The following PDE8B variants were observed in gnomAD, a reference collection of about 807,000 sequenced individuals.
PDE8B encodes the protein high affinity cAMP-specific and IBMX-insensitive 3',5'-cyclic phosphodiesterase 8B.
Under a neutral mutation model 101.3 loss-of-function variants are expected in PDE8B, and 26 were observed. That is an observed-to-expected ratio of 0.26 (90% confidence interval 0.19 to 0.36). The LOEUF (loss-of-function observed/expected upper bound fraction) is 0.36. PDE8B is among the 10% of genes least tolerant of loss of function. The probability of loss-of-function intolerance (pLI) is 1.00; values close to 1 mark genes in which losing one functional copy is unlikely to be tolerated. For synonymous variants in PDE8B, 424 were observed against 429.3 expected, an observed-to-expected ratio of 0.99 and a Z score of 0.15; for missense variants, 810 against 1,163.1, an observed-to-expected ratio of 0.70 and a Z score of 4.42.
chr5:77,337,088 C>A (rs777211295), intron 5 of PDE8B, 139 bp from the exon 6 acceptor site: 6 of 652,698 alleles, frequency 9.2e-6, no homozygotes, highest in African/African-American at 1.8e-5. Context: ...ACCTTGACAG[C>A]TGTTTCATCT....
chr5:77,340,944 C>A (rs1286078283), intron 6 of PDE8B, among the ~76,000 whole-genome samples: 1 of 152,120 alleles, frequency 6.6e-6, no homozygotes, highest in Non-Finnish European at 1.5e-5. Flanking sequence ...ATTACCTATA[C>A]TTCATGGGTT....
chr5:77,235,580 TAC>T (rs758274134), intron 1 of PDE8B, among the ~76,000 whole-genome samples: 92 of 152,360 alleles, frequency 6.0e-4, no homozygotes, highest in Non-Finnish European at 1.2e-3. Flanking sequence ...ACAAGGTCCT[TAC>T]ACTCATAGTG....
the PDE8B span, among the ~76,000 whole-genome samples, chr5:77,155,077 C>T: frequency 6.6e-6 from 1 of 152,116 alleles, no homozygotes; most frequent in Non-Finnish European, 1.5e-5. Context: ...AATAACAGCC[C>T]ATGTGGCCAG....
chr5:77,157,375 G>C, the PDE8B span, among the ~76,000 whole-genome samples: 3 of 152,162 alleles, frequency 2.0e-5, no homozygotes, highest in African/African-American at 7.2e-5. Context: ...ACCCAGAAGG[G>C]ACAGACATCC....
At chr5:77,329,200 G>C in intron 4 of PDE8B, 143 bp downstream of exon 4, 1 of 699,552 alleles carries the variant, frequency 1.4e-6, no homozygotes, top group Non-Finnish European at 2.6e-6. Flanking sequence ...ATCTTGCTTT[G>C]GGGGTTTTGT....
the PDE8B span, among the ~76,000 whole-genome samples, chr5:77,092,722 C>T: frequency 6.6e-6 from 1 of 152,022 alleles, no homozygotes; most frequent in South Asian, 2.1e-4. Flanking sequence ...AGTTCGAGAC[C>T]AGCCTGGACG....
chr5:77,383,913 A>T (rs933041017), intron 10 of PDE8B, among the ~76,000 whole-genome samples: 1 of 152,118 alleles, frequency 6.6e-6, no homozygotes, highest in Non-Finnish European at 1.5e-5. Flanking sequence ...GTCAGGTAGC[A>T]TGATGCCTCC....
chr5:77,424,316 A>G (rs1797426102), intron 20 of PDE8B, among the ~76,000 whole-genome samples: 1 of 152,234 alleles, frequency 6.6e-6, no homozygotes. Context: ...AAAGCTTCCT[A>G]TTTAGGTGTC....
At chr5:77,223,681 A>G (rs970729050) in intron 1 of PDE8B, among the ~76,000 whole-genome samples, 14 of 152,084 alleles carry the variant, frequency 9.2e-5, no homozygotes, top group Admixed American at 2.0e-4. Flanking sequence ...TTTGTATTAT[A>G]TGAGGCTAGA....
chr5:77,316,903 A>G (rs1430892857), intron 2 of PDE8B, among the ~76,000 whole-genome samples: 1 of 152,220 alleles, frequency 6.6e-6, no homozygotes, highest in African/African-American at 2.4e-5. Context: ...AGTGGTAAAG[A>G]GTACCTCTTT....
At chr5:77,206,719 T>C (rs1747534583), upstream of PDE8B, among the ~76,000 whole-genome samples, 1 of 152,108 alleles carries the variant, frequency 6.6e-6, no homozygotes, top group African/African-American at 2.4e-5. Flanking sequence ...TTATACTAGA[T>C]TCACTTTCTT....
the PDE8B span, among the ~76,000 whole-genome samples, chr5:77,176,779 G>A: frequency 6.6e-6 from 1 of 152,204 alleles, no homozygotes; most frequent in African/African-American, 2.4e-5. Flanking sequence ...GAACCACTAG[G>A]AATCAGATTT....
the PDE8B span, among the ~76,000 whole-genome samples, chr5:77,161,958 AT>A: frequency 2.0e-5 from 3 of 149,178 alleles, no homozygotes; most frequent in African/African-American, 4.9e-5. Context: ...ATCTTGTTTA[AT>A]TTTTTTTCTT....
At chr5:77,180,371 C>A in the PDE8B span, 2 of 889,382 alleles carry the variant, frequency 2.2e-6, no homozygotes, top group Non-Finnish European at 2.7e-6. Context: ...GCAGGGTGCG[C>A]CAGGCCGGTG....
the PDE8B span, among the ~76,000 whole-genome samples, chr5:77,198,604 A>G: frequency 6.6e-6 from 1 of 152,176 alleles, no homozygotes; most frequent in Non-Finnish European, 1.5e-5. Flanking sequence ...CATATTGTAT[A>G]TTCCATCTGT....
the PDE8B span, among the ~76,000 whole-genome samples, chr5:77,155,195 C>T: frequency 1.3e-5 from 2 of 152,106 alleles, no homozygotes; most frequent in Non-Finnish European, 2.9e-5. Context: ...CATGTTCACC[C>T]ATGAGTATGT....
chr5:77,287,968 T>C (rs1766407598), intron 1 of PDE8B, among the ~76,000 whole-genome samples: 1 of 152,234 alleles, frequency 6.6e-6, no homozygotes, highest in Non-Finnish European at 1.5e-5. Context: ...AACCTTTTTT[T>C]CCCTTATAAC....
chr5:77,258,837 G>T (rs527828004), intron 1 of PDE8B, among the ~76,000 whole-genome samples: 53 of 152,178 alleles, frequency 3.5e-4, no homozygotes, highest in Middle Eastern at 6.8e-3. Context: ...AGCTAGCTGT[G>T]TGGTCTTTGT....
At chr5:77,169,919 T>A in the PDE8B span, among the ~76,000 whole-genome samples, 1 of 152,156 alleles carries the variant, frequency 6.6e-6, no homozygotes, top group Non-Finnish European at 1.5e-5. Context: ...TGCACTGTAG[T>A]TTTCTCTCCT....
Sources: allele counts gnomAD v4.1 joint callset (sites outside exome capture counted in the v4.1 genomes callset), GRCh38; gene constraint gnomAD v4.1.1; transcripts MANE v1.5; gene names NCBI Gene and HGNC (gene_info 2026-07-23, HGNC 2026-07-21).